Variants in RASA3 observed in about 807,000 individuals in gnomAD.
RASA3 encodes the protein ras GTPase-activating protein 3.
A neutral mutation model predicts 110.0 loss-of-function variants in RASA3; 73 were observed. The ratio of observed to expected loss-of-function variants is 0.66; its 90% confidence interval spans 0.55 to 0.81. RASA3 has a LOEUF of 0.81. RASA3 is among the 30% of genes least tolerant of loss of function. RASA3 has a pLI of 0.00. For missense variants in RASA3, 976 were observed against 1,113.2 expected, an observed-to-expected ratio of 0.88 and a Z score of 1.75; for synonymous variants, 500 against 451.4, an observed-to-expected ratio of 1.11 and a Z score of -1.37.
intron 1 of RASA3, among the ~76,000 whole-genome samples, chr13:114,105,985 A>G (rs2080130041): frequency 6.6e-6 from 1 of 152,146 alleles, no homozygotes; most frequent in South Asian, 2.1e-4. Context: ...TCCTGACCCT[A>G]AAGAGCTGCC....
At chr13:114,102,873 G>A (rs528596832) in intron 1 of RASA3, among the ~76,000 whole-genome samples, 7 of 152,304 alleles carry the variant, frequency 4.6e-5, no homozygotes, top group African/African-American at 7.2e-5. Flanking sequence ...TATAATCGCC[G>A]TGGGCGCAGC....
At chr13:114,052,230 G>A (rs2079157663) in intron 2 of RASA3, 75 bp from the exon 3 acceptor site, 3 of 984,708 alleles carry the variant, frequency 3.0e-6, no homozygotes, top group Non-Finnish European at 4.7e-6. Flanking sequence ...CACACGTGTG[G>A]TCTTAGTTTT....
chr13:114,089,299 A>AGGGGGGG (rs941894354), intron 1 of RASA3, among the ~76,000 whole-genome samples: 1 of 14,768 alleles, frequency 6.8e-5, no homozygotes, highest in Non-Finnish European at 1.5e-4. Flanking sequence ...AGCGGGGAGG[A>AGGGGGGG]GGGGGGGAGG....
At chr13:114,077,805 C>T in intron 1 of RASA3, 1 of 982,892 alleles carries the variant, frequency 1.0e-6, no homozygotes, top group Non-Finnish European at 1.2e-6. Context: ...GTCTTTACCT[C>T]CTTCTCCTTG....
chr13:114,075,181 C>A (rs756806817), intron 1 of RASA3, among the ~76,000 whole-genome samples: 1 of 152,180 alleles, frequency 6.6e-6, no homozygotes, highest in Non-Finnish European at 1.5e-5. Flanking sequence ...CAAACAAAAT[C>A]AAAAACGGGA....
intron 2 of RASA3, among the ~76,000 whole-genome samples, chr13:114,053,091 T>G (rs966966579): frequency 9.9e-5 from 15 of 152,020 alleles, no homozygotes; most frequent in African/African-American, 3.1e-4. Context: ...TCCTCGCTCC[T>G]GGGGGAGAGG....
In RASA3 at chr13:114,014,750, G is replaced by A. The variant is rs556619482; in HGVS notation, c.1405+459C>T. On this transcript the variant is annotated intron_variant, in intron 14 of 23. Transcript: ENST00000334062. This position sits in a 1 kb window ranked among gnomAD's most constrained non-coding sequence, Gnocchi z 4.5. ...AGGGGTCCTGTCTCTTCGAAGACAC[G>A]GGCAGGCAGAGCCCCCAACACCACT... Among the ~76,000 whole-genome samples the A allele has an allele frequency of 2.0e-5, 3 of 152,202 alleles. No homozygotes were observed. Among genetic ancestry groups the A allele is most frequent in the South Asian group, 4.1e-4 (2 of 4,824 alleles).
At chr13:114,061,514 C>CAAA (rs11297076) in intron 2 of RASA3, among the ~76,000 whole-genome samples, 2 of 137,404 alleles carry the variant, frequency 1.5e-5, no homozygotes, top group Non-Finnish European at 3.2e-5. Flanking sequence ...ACTAAAAATA[C>CAAA]AAAAAAAAAA....
chr13:114,079,924 GC>G (rs1424136623), intron 1 of RASA3, among the ~76,000 whole-genome samples: 1 of 152,194 alleles, frequency 6.6e-6, no homozygotes, highest in African/African-American at 2.4e-5. Context: ...AGGCGGGGGG[GC>G]CCCGAGGCAG....
chr13:114,072,265 G>A (rs955197971), intron 2 of RASA3, among the ~76,000 whole-genome samples: 19 of 152,260 alleles, frequency 1.2e-4, no homozygotes, highest in African/African-American at 2.9e-4. Flanking sequence ...CTCCGAGTAC[G>A]GCCTGGCCAC....
At chr13:114,009,923 C>T (rs984372868) in intron 16 of RASA3, among the ~76,000 whole-genome samples, 3 of 152,210 alleles carry the variant, frequency 2.0e-5, no homozygotes, top group African/African-American at 7.2e-5. Flanking sequence ...GAAGTGGAGG[C>T]ACCCAGGGAT....
rs78853040 is a variant in RASA3 at position 114,011,086 on chromosome 13, T to C, written c.1590+85A>G. 1,185 of 1,218,598 alleles carry C rather than the reference T, an allele frequency of 9.7e-4. 10 individuals carry two copies. In the African/African-American group the frequency reaches 0.015, roughly 16 times the overall value. The allele number at this position is 1,218,598 out of a possible 1,614,324, so 75.5% of individuals were successfully genotyped here. On this transcript the variant is annotated intron_variant, in intron 16 of 23. Transcript: ENST00000334062. The surrounding 1 kb of genome is among the most constrained non-coding windows in gnomAD (Gnocchi z 4.8). Reference sequence around the variant, plus strand: ...ATCTTTATCTTACGACTCTCTCAAATGTGGGAGGTTTTTCACGTGTATTTT... The same window carrying C: ...ATCTTTATCTTACGACTCTCTCAAACGTGGGAGGTTTTTCACGTGTATTTT...
intron 4 of RASA3, 31 bp from the exon 5 acceptor site, chr13:114,029,918 C>A (rs1354912590): frequency 1.3e-6 from 2 of 1,536,520 alleles, no homozygotes; most frequent in African/African-American, 2.7e-5. Flanking sequence ...GTGTCAGAGG[C>A]TGTGGCGCTG....
At chr13:114,126,523 G>C (rs9562119) in intron 1 of RASA3, among the ~76,000 whole-genome samples, 33,648 of 151,592 alleles carry the variant, frequency 0.22, 3,936 homozygotes, top group Middle Eastern at 0.3. Flanking sequence ...GGAGCAAGTT[G>C]AAAGCCATCC....
chr13:113,988,975 C>T (rs67930311), intron 22 of RASA3, among the ~76,000 whole-genome samples: 24,186 of 142,716 alleles, frequency 0.17, 2,181 homozygotes, highest in Middle Eastern at 0.22. Context: ...TCACCCTGTC[C>T]GTACACCCAT....
At chr13:114,039,987 G>T (rs1000165958) in intron 4 of RASA3, among the ~76,000 whole-genome samples, 1 of 152,208 alleles carries the variant, frequency 6.6e-6, no homozygotes, top group East Asian at 1.9e-4. Flanking sequence ...GCAACAGCCC[G>T]CCCAGCCAAC....
intron 22 of RASA3, among the ~76,000 whole-genome samples, chr13:113,989,849 TGAG>T (rs2053067041): frequency 2.6e-5 from 4 of 152,214 alleles, no homozygotes; most frequent in Admixed American, 2.6e-4. Flanking sequence ...ATATGGAAGC[TGAG>T]GAGATGGGAG....
chr13:114,052,215 G>A (rs1389458218), intron 2 of RASA3, 60 bp from the exon 3 acceptor site: 4 of 1,136,122 alleles, frequency 3.5e-6, no homozygotes, highest in Non-Finnish European at 5.3e-6. Context: ...CTCACCCCCG[G>A]GGCACACACG....
At chr13:113,989,236 TCCAC>T (rs2053044173) in intron 22 of RASA3, among the ~76,000 whole-genome samples, 2 of 140,596 alleles carry the variant, frequency 1.4e-5, no homozygotes, top group Admixed American at 7.1e-5. Context: ...CATCCATCCA[TCCAC>T]CCATCTCTCA....
Sources: gnomAD v4.1 joint callset for allele counts (sites outside exome capture counted in the v4.1 genomes callset) on GRCh38, gnomAD v4.1.1 for gene constraint, Gnocchi (gnomAD v3.1) non-coding constraint, MANE v1.5 for transcripts, NCBI Gene and HGNC (gene_info 2026-07-23, HGNC 2026-07-21) for gene names.